ADAM10: variants seen among roughly 807,000 people sequenced by gnomAD.
The protein encoded by ADAM10 is ADAM metallopeptidase domain 10, also known as disintegrin and metalloproteinase domain-containing protein 10.
ADAM10 carries 17 observed loss-of-function variants against 90.1 expected under a neutral mutation model. The ratio of observed to expected loss-of-function variants is 0.19; its 90% CI spans 0.13 to 0.28. The LOEUF is 0.28. Ranked by LOEUF, ADAM10 falls within the 10% of genes least tolerant of loss-of-function variation. The pLI is 1.00. For missense variants in ADAM10, 610 were observed against 914.3 expected, an observed-to-expected ratio of 0.67 and a Z score of 4.29; for synonymous variants, 310 against 298.6, an observed-to-expected ratio of 1.04 and a Z score of -0.40.
chr15:58,721,429 G>A (rs1250595412), intron 1 of ADAM10, among the ~76,000 whole-genome samples: 1 of 152,092 alleles, frequency 6.6e-6, no homozygotes, highest in African/African-American at 2.4e-5. Context: ...TCTCAGTACT[G>A]TGGGAAAAAA....
chr15:58,615,242 C>T (rs1055410291), intron 11 of ADAM10, among the ~76,000 whole-genome samples: 36 of 135,400 alleles, frequency 2.7e-4, no homozygotes, highest in East Asian at 7.5e-4. Context: ...CCACTGCACT[C>T]GAGCCTGGGC....
rs1210549488 is a variant in ADAM10 at position 58,597,588 on chromosome 15, G to A, written c.2206C>T (p.Arg736Trp). The A allele has an allele frequency of 4.3e-6, 7 of 1,614,102 alleles. No individual in the cohort carries two copies. The highest frequency in any genetic ancestry group is 5.9e-6 in the Non-Finnish European group (7 of 1,180,008). ...CCCATTTGATAACTCTCTCGGGGCCGCTGACGCTGGGGTTGCTGAATGGGC... is the reference window on the plus strand; with the variant it reads ...CCCATTTGATAACTCTCTCGGGGCCACTGACGCTGGGGTTGCTGAATGGGC... ...PQPIQQPQRQ[R>W]PRESYQMGHM... The change falls in exon 16 of 16, where the codon CGG becomes TGG. Residue 736 changes from arginine (R) to tryptophan (W), a missense_variant. Around this residue, in one of 4 missense-constraint regions of ADAM10, gnomAD observed 150 missense variants for 268.5 expected, o/e 0.56. Coordinates refer to ENST00000260408, the MANE Select transcript of ADAM10 (RefSeq NM_001110.4).
chr15:58,616,737 G>A (rs1264702337), intron 11 of ADAM10, among the ~76,000 whole-genome samples: 12 of 151,948 alleles, frequency 7.9e-5, no homozygotes, highest in South Asian at 2.1e-4. Flanking sequence ...AAGCAAGAAC[G>A]AACCAAACCC....
chr15:58,717,866 T>C (rs387005), intron 1 of ADAM10, 139 bp from the exon 2 acceptor site: 38,708 of 1,255,362 alleles, frequency 0.031, 734 homozygotes, highest in Middle Eastern at 0.064. Flanking sequence ...TCTGCATTAA[T>C]ATTAACACAT....
chr15:58,741,130 T>C (rs1244990685), intron 1 of ADAM10, among the ~76,000 whole-genome samples: 2 of 152,210 alleles, frequency 1.3e-5, no homozygotes, highest in Admixed American at 1.3e-4. Context: ...TGCACACGTG[T>C]GTCCTGCCAT....
At chr15:58,597,777 A>C in intron 15 of ADAM10, 136 bp from the exon 16 acceptor site, 45 of 778,874 alleles carry the variant, frequency 5.8e-5, no homozygotes, top group Non-Finnish European at 7.5e-5. Flanking sequence ...TGTAATTTAA[A>C]ATCTTCTGAT....
chr15:58,612,277 C>T (rs1224377987), intron 11 of ADAM10, among the ~76,000 whole-genome samples: 1 of 152,168 alleles, frequency 6.6e-6, no homozygotes, highest in Admixed American at 6.5e-5. Context: ...TAAAGCAGCA[C>T]ATTGCTCCTT....
At chr15:58,734,923 G>A (rs1209733513) in intron 1 of ADAM10, among the ~76,000 whole-genome samples, 6 of 152,100 alleles carry the variant, frequency 3.9e-5, no homozygotes, top group African/African-American at 1.4e-4. Flanking sequence ...CTCCACAGGA[G>A]CCCTGACTAA....
At chr15:58,634,502 T>A (rs1323033163) in intron 8 of ADAM10, among the ~76,000 whole-genome samples, 2 of 152,170 alleles carry the variant, frequency 1.3e-5, no homozygotes, top group Admixed American at 1.3e-4. Flanking sequence ...TAACAGGGAC[T>A]TTAGAATTTA....
intron 8 of ADAM10, among the ~76,000 whole-genome samples, chr15:58,635,520 A>T (rs1244594630): frequency 6.6e-6 from 1 of 152,082 alleles, no homozygotes; most frequent in African/African-American, 2.4e-5. Context: ...AGAAAATACC[A>T]AATAATTTGT....
chr15:58,709,724 A>T (rs1236351638), intron 2 of ADAM10, among the ~76,000 whole-genome samples: 1 of 152,110 alleles, frequency 6.6e-6, no homozygotes, highest in Non-Finnish European at 1.5e-5. Context: ...TGGGTGACAG[A>T]GCAAGACTCC....
chr15:58,629,962 C>T (rs1424454069), intron 9 of ADAM10, among the ~76,000 whole-genome samples: 3 of 151,956 alleles, frequency 2.0e-5, no homozygotes, highest in African/African-American at 7.3e-5. Context: ...TTGGTAGAGA[C>T]GGGGTTTCGC....
At chr15:58,710,876 T>G (rs1284016432) in intron 2 of ADAM10, among the ~76,000 whole-genome samples, 1 of 152,214 alleles carries the variant, frequency 6.6e-6, no homozygotes, top group Non-Finnish European at 1.5e-5. Context: ...GATTTAAAAG[T>G]GCCCTAGATT....
At chr15:58,634,547 A>T (rs1426702204) in intron 8 of ADAM10, among the ~76,000 whole-genome samples, 1 of 152,232 alleles carries the variant, frequency 6.6e-6, no homozygotes, top group Non-Finnish European at 1.5e-5. Context: ...GCTAAAATCA[A>T]TTAAGAGAAA....
At chr15:58,723,334 C>T (rs1191453059) in intron 1 of ADAM10, among the ~76,000 whole-genome samples, 2 of 151,938 alleles carry the variant, frequency 1.3e-5, no homozygotes, top group Non-Finnish European at 2.9e-5. Flanking sequence ...GCCCCTCAAA[C>T]TAAGATTGGA....
At chr15:58,745,516 GGTTT>G (rs1455144226) in intron 1 of ADAM10, among the ~76,000 whole-genome samples, 1 of 151,838 alleles carries the variant, frequency 6.6e-6, no homozygotes, top group Non-Finnish European at 1.5e-5. Context: ...TATGAAAACG[GGTTT>G]TTTTAAAAAA....
chr15:58,599,424 C>A (rs1451139834), intron 15 of ADAM10, among the ~76,000 whole-genome samples, 174 bp downstream of exon 15: 2 of 151,930 alleles, frequency 1.3e-5, no homozygotes, highest in African/African-American at 2.4e-5. Context: ...CAGTCACTGG[C>A]CAGATTGGAT....
intron 5 of ADAM10, among the ~76,000 whole-genome samples, chr15:58,661,864 C>T (rs1297564823): frequency 6.6e-6 from 1 of 152,098 alleles, no homozygotes; most frequent in Non-Finnish European, 1.5e-5. Flanking sequence ...TTCTTTTAAG[C>T]CTATCCACTA....
chr15:58,676,931 AAAACAT>A (rs1897314532), intron 4 of ADAM10, among the ~76,000 whole-genome samples: 2 of 152,238 alleles, frequency 1.3e-5, no homozygotes, highest in Admixed American at 6.5e-5. Flanking sequence ...TAGCTGCAAT[AAAACAT>A]ACAGCTCTCA....
Sources: allele counts gnomAD v4.1 joint callset (sites outside exome capture counted in the v4.1 genomes callset), GRCh38; gene constraint gnomAD v4.1.1; regional missense constraint gnomAD v4.1.1; transcripts MANE v1.5; gene names NCBI Gene and HGNC (gene_info 2026-07-23, HGNC 2026-07-21).